The following RFX3 variants were observed in gnomAD, a reference collection of about 807,000 sequenced individuals.
RFX3 encodes transcription factor RFX3.
In RFX3, 14 loss-of-function variants were observed where a neutral mutation model predicts 98.6. The observed-to-expected ratio is 0.14, with a 90% CI of 0.09 to 0.22. The LOEUF (loss-of-function observed/expected upper bound fraction) is 0.22, where lower values mean the gene tolerates loss of function less well. Ranked by LOEUF, RFX3 falls within the 10% of genes least tolerant of loss-of-function variation. The pLI, the probability that RFX3 is intolerant of heterozygous loss-of-function variation, is 1.00. For synonymous variants in RFX3, 383 were observed against 328.4 expected, an observed-to-expected ratio of 1.17 and a Z score of -1.80; for missense variants, 639 against 926.9, an observed-to-expected ratio of 0.69 and a Z score of 4.03.
chr9:3,266,349 G>C (rs755981756), intron 11 of RFX3, 44 bp from the exon 12 acceptor site: 2 of 1,244,286 alleles, frequency 1.6e-6, no homozygotes, highest in South Asian at 2.5e-5. Flanking sequence ...AAGTATGAAA[G>C]AATATTAATG....
rs887005300 is a variant in RFX3, at chr9:3,444,372, T to C, written c.-8-48776A>G. Among the ~76,000 whole-genome samples the C allele has an allele frequency of 4.6e-5, 7 of 151,962 alleles. No homozygotes were observed. In the East Asian group the frequency reaches 5.8e-4, roughly 13 times the overall value. ...GTTCTGGAAAATGTAAACTAATACATAGTGACAGAAAACAGAAGAAAAATT... is the reference window on the plus strand; with the variant it reads ...GTTCTGGAAAATGTAAACTAATACACAGTGACAGAAAACAGAAGAAAAATT... On this transcript the variant is annotated intron_variant, in intron 1 of 16. Transcript: ENST00000617270.
At chr9:3,298,956 C>A (rs1215605690) in intron 5 of RFX3, among the ~76,000 whole-genome samples, 1 of 151,580 alleles carries the variant, frequency 6.6e-6, no homozygotes, top group African/African-American at 2.4e-5. Flanking sequence ...AAATTATTAT[C>A]AATAATTTCT....
At chr9:3,523,507 G>C (rs554677769) in intron 1 of RFX3, among the ~76,000 whole-genome samples, 1 of 152,246 alleles carries the variant, frequency 6.6e-6, no homozygotes, top group East Asian at 1.9e-4. Context: ...AAATCAACTT[G>C]TGAATGAAAA....
chr9:3,292,061 C>CAAAAAAAAAAAAAAAAAAAAAAAAAAA (rs58788880), intron 6 of RFX3, among the ~76,000 whole-genome samples: 1 of 23,946 alleles, frequency 4.2e-5, no homozygotes, highest in East Asian at 1.2e-3. Flanking sequence ...GACTCCATCT[C>CAAAAAAAAAAAAAAAAAAAAAAAAAAA]AAAAAAAAAA....
chr9:3,344,492 C>A (rs530795058), intron 3 of RFX3, among the ~76,000 whole-genome samples: 1 of 152,238 alleles, frequency 6.6e-6, no homozygotes, highest in South Asian at 2.1e-4. Context: ...TCAACTGGTA[C>A]TTCATTTCAT....
intron 5 of RFX3, among the ~76,000 whole-genome samples, chr9:3,295,675 T>C (rs1827900764): frequency 1.3e-5 from 2 of 152,128 alleles, no homozygotes; most frequent in African/African-American, 4.8e-5. Flanking sequence ...TACATCTACA[T>C]ATCCTCATAA....
chr9:3,391,036 A>T (rs572623698), intron 2 of RFX3, among the ~76,000 whole-genome samples: 11 of 152,318 alleles, frequency 7.2e-5, no homozygotes, highest in South Asian at 4.1e-4. Context: ...AAAATCAACA[A>T]AGCAAAGTTA....
chr9:3,414,692 A>ATATATGAGTATATATGAG (rs1842764179), intron 1 of RFX3, among the ~76,000 whole-genome samples: 1 of 92,476 alleles, frequency 1.1e-5, no homozygotes, highest in African/African-American at 8.0e-5. Flanking sequence ...GTATATATGT[A>ATATATGAGTATATATGAG]TATATGAGTA....
At chr9:3,443,941 A>G (rs368532852) in intron 1 of RFX3, among the ~76,000 whole-genome samples, 2 of 152,228 alleles carry the variant, frequency 1.3e-5, no homozygotes, top group African/African-American at 4.8e-5. Context: ...AAGGATGTAG[A>G]GAAACTGGAA....
At chr9:3,372,086 A>C (rs535230265) in intron 2 of RFX3, among the ~76,000 whole-genome samples, 1 of 152,310 alleles carries the variant, frequency 6.6e-6, no homozygotes, top group Non-Finnish European at 1.5e-5. Context: ...ACACCGGCCA[A>C]GCTTCTCACT....
intron 1 of RFX3, among the ~76,000 whole-genome samples, chr9:3,516,102 G>A (rs533915779): frequency 1.3e-5 from 2 of 151,968 alleles, no homozygotes; most frequent in African/African-American, 2.4e-5. Flanking sequence ...AGACTGGAGC[G>A]CACTGGCGTG....
At chr9:3,253,409 T>C (rs1291833568) in intron 14 of RFX3, among the ~76,000 whole-genome samples, 1 of 152,232 alleles carries the variant, frequency 6.6e-6, no homozygotes, top group Non-Finnish European at 1.5e-5. Flanking sequence ...ATATCAAAGC[T>C]ATACATTCCA....
intron 1 of RFX3, among the ~76,000 whole-genome samples, chr9:3,475,376 G>C: frequency 6.7e-6 from 1 of 150,354 alleles, no homozygotes; most frequent in Non-Finnish European, 1.5e-5. Flanking sequence ...CCGAATGCCA[G>C]GCTGTGCTGT....
At chr9:3,482,792 G>A (rs941229693) in intron 1 of RFX3, among the ~76,000 whole-genome samples, 1 of 152,006 alleles carries the variant, frequency 6.6e-6, no homozygotes, top group African/African-American at 2.4e-5. Context: ...TATGCTAAGT[G>A]TGCTATATTA....
At chr9:3,438,416 T>C (rs991311659) in intron 1 of RFX3, among the ~76,000 whole-genome samples, 4 of 151,648 alleles carry the variant, frequency 2.6e-5, no homozygotes, top group Non-Finnish European at 5.9e-5. Flanking sequence ...GCTTAAAGGG[T>C]CTAGAAACCA....
chr9:3,237,683 T>C (rs909348701), intron 15 of RFX3, among the ~76,000 whole-genome samples: 1 of 152,124 alleles, frequency 6.6e-6, no homozygotes, highest in African/African-American at 2.4e-5. Context: ...AAAAGCCCTA[T>C]GAAAAAATGT....
At chr9:3,445,432 A>C (rs1235961586) in intron 1 of RFX3, among the ~76,000 whole-genome samples, 1 of 152,172 alleles carries the variant, frequency 6.6e-6, no homozygotes, top group East Asian at 1.9e-4. Context: ...CCCATTTTAC[A>C]GATGAAATAT....
intron 4 of RFX3, among the ~76,000 whole-genome samples, chr9:3,320,700 G>A (rs1337065861): frequency 6.8e-6 from 1 of 147,920 alleles, no homozygotes; most frequent in Non-Finnish European, 1.5e-5. Context: ...ACATATGTGT[G>A]TGTGCATATA....
chr9:3,479,947 A>G (rs1745173103), intron 1 of RFX3, among the ~76,000 whole-genome samples: 1 of 152,200 alleles, frequency 6.6e-6, no homozygotes, highest in Non-Finnish European at 1.5e-5. Flanking sequence ...GTTCATTACT[A>G]TTTCTCTTTT....
Sources: allele counts gnomAD v4.1 joint callset (sites outside exome capture counted in the v4.1 genomes callset), GRCh38; gene constraint gnomAD v4.1.1; transcripts MANE v1.5; gene names NCBI Gene and HGNC (gene_info 2026-07-23, HGNC 2026-07-21).